PTPRU: variants seen among roughly 807,000 people sequenced by gnomAD.
PTPRU encodes the protein protein tyrosine phosphatase receptor type U, also known as receptor-type tyrosine-protein phosphatase U.
A neutral mutation model predicts 166.3 loss-of-function variants in PTPRU; 69 were observed. The ratio of observed to expected loss-of-function variants is 0.41; its 90% CI spans 0.34 to 0.51. The LOEUF is 0.51. Ranked by LOEUF, PTPRU falls within the 20% of genes least tolerant of loss-of-function variation. The probability of loss-of-function intolerance (pLI) is 0.09; values close to 1 mark genes in which losing one functional copy is unlikely to be tolerated. For synonymous variants in PTPRU, 793 were observed against 814.0 expected (o/e 0.97, Z 0.44); for missense variants, 1,657 against 2,013.7 (o/e 0.82, Z 3.39).
At chr1:29,310,939 G>A (rs905333706) in intron 19 of PTPRU, among the ~76,000 whole-genome samples, 159 bp downstream of exon 19, 1 of 152,092 alleles carries the variant, frequency 6.6e-6, no homozygotes, top group Non-Finnish European at 1.5e-5. Flanking sequence ...ATCTGCTCCC[G>A]ATTCTGCTGG....
intron 1 of PTPRU, among the ~76,000 whole-genome samples, chr1:29,249,475 C>T (rs1684451092): frequency 1.3e-5 from 2 of 152,248 alleles, no homozygotes; most frequent in African/African-American, 2.4e-5. Flanking sequence ...AATTCACCCT[C>T]TCAGGGAGGC....
chr1:29,246,530 C>T (rs974936524), intron 1 of PTPRU, among the ~76,000 whole-genome samples: 6 of 152,332 alleles, frequency 3.9e-5, no homozygotes, highest in South Asian at 2.1e-4. Context: ...TACCCTGCAA[C>T]GAACCTGTTC....
Position 29,260,721 on chromosome 1 carries a change from A to G in PTPRU, c.962A>G (p.Glu321Gly), listed in dbSNP as rs1223313718. 1 of 1,604,442 alleles carries G rather than the reference A, an allele frequency of 6.2e-7. No individual in the cohort carries two copies. Among genetic ancestry groups the G allele is most frequent in the Non-Finnish European group, 8.5e-7 (1 of 1,175,264 alleles). ...GGCGACGGGCCGATCGTGCGCAAGG[A>G]GATTGAGTACCGCATGGCGCGCGGG... ...IIGDGPIVRK[E>G]IEYRMARGPW... is the part of the protein sequence containing the mutation. The change falls in exon 7 of 30, where the codon GAG becomes GGG. Residue 321 changes from glutamate (E) to glycine (G), a missense_variant. Physicochemically the swap from Glu to Gly is moderately conservative, Grantham distance 98 (BLOSUM62 -2). Around this residue, in one of 3 missense-constraint regions of PTPRU, gnomAD observed 453 missense variants for 496.9 expected, o/e 0.91. Transcript: ENST00000373779. This position sits in a 1 kb window ranked among gnomAD's most constrained non-coding sequence, Gnocchi z 8.3.
intron 7 of PTPRU, among the ~76,000 whole-genome samples, chr1:29,273,257 C>T (rs1685649388): frequency 6.6e-6 from 1 of 152,072 alleles, no homozygotes; most frequent in African/African-American, 2.4e-5. Flanking sequence ...CTTCAGAAGC[C>T]TTGACTTTTC....
At chr1:29,241,907 A>G (rs1574592654) in intron 1 of PTPRU, among the ~76,000 whole-genome samples, 1 of 110,600 alleles carries the variant, frequency 9.0e-6, no homozygotes, top group Non-Finnish European at 1.9e-5. Context: ...CTTCTTTTTT[A>G]TTCAGATGGA....
intron 16 of PTPRU, among the ~76,000 whole-genome samples, 192 bp downstream of exon 16, chr1:29,304,237 C>T (rs532187638): frequency 6.6e-6 from 1 of 152,336 alleles, no homozygotes; most frequent in South Asian, 2.1e-4. Flanking sequence ...TTTTCACTCT[C>T]ATGCTAACCC....
intron 1 of PTPRU, among the ~76,000 whole-genome samples, chr1:29,246,867 C>T (rs1281730272): frequency 2.6e-5 from 4 of 152,122 alleles, no homozygotes; most frequent in Non-Finnish European, 5.9e-5. Flanking sequence ...CCACCTGCCT[C>T]GGCCTCTCAA....
intron 16 of PTPRU, among the ~76,000 whole-genome samples, chr1:29,304,535 C>T (rs1687292605): frequency 6.6e-6 from 1 of 152,166 alleles, no homozygotes; most frequent in East Asian, 1.9e-4. Flanking sequence ...TCTTTGAACC[C>T]TGGCCCTCTT....
At chr1:29,323,178 G>A in intron 26 of PTPRU, 193 bp from the exon 27 acceptor site, 1 of 667,846 alleles carries the variant, frequency 1.5e-6, no homozygotes, top group Non-Finnish European at 2.5e-6. Flanking sequence ...ACGCATTGGG[G>A]CAGGTGGGCC....
At chr1:29,286,241 T>C (rs1053250298) in intron 14 of PTPRU, among the ~76,000 whole-genome samples, 1 of 152,190 alleles carries the variant, frequency 6.6e-6, no homozygotes, top group African/African-American at 2.4e-5. Flanking sequence ...TGCACAGCTT[T>C]AAGAGAGACT....
rs150970778 is a variant in PTPRU at position 29,263,659 on chromosome 1, T to A, written c.1144+2756T>A. Among the ~76,000 whole-genome samples the A allele has an allele frequency of 2.0e-3, 311 of 152,326 alleles. 1 individual carries two copies. The highest frequency in any genetic ancestry group is 7.3e-3 in the African/African-American group (302 of 41,580). ...TCTGCATCCTTGTCACCACTTGTTATTATCTGTCTTCTTATAAGCACTCTA... is the reference window on the plus strand; with the variant it reads ...TCTGCATCCTTGTCACCACTTGTTAATATCTGTCTTCTTATAAGCACTCTA... On this transcript the variant is annotated intron_variant, in intron 7 of 29. Transcript: ENST00000373779.
At position 29,315,714 on chromosome 1, in the gene PTPRU, C is replaced by A. The variant is rs866782904; in HGVS notation, c.3363+207C>A. On this transcript the variant is annotated intron_variant, in intron 23 of 29. Transcript: ENST00000373779. This position sits in a 1 kb window ranked among gnomAD's most constrained non-coding sequence, Gnocchi z 4.5. ...TGTTGGGTGGGGTCAGACAACCGGT[C>A]CTGTAGCTGACATACCTGGGATTGC... 7.2e-5 allele frequency among the ~76,000 whole-genome samples: 11 copies of A among 152,330 alleles called. No homozygotes were observed. Among genetic ancestry groups the A allele is most frequent in the African/African-American group, 2.6e-4 (11 of 41,562 alleles).
rs1311828045 is a variant in PTPRU, at chr1:29,320,419, A to T, written c.3688-266A>T. 2.7e-6 allele frequency: 1 copy of T among 364,422 alleles called. No homozygotes were observed. Among genetic ancestry groups the T allele is most frequent in the East Asian group, 4.1e-5 (1 of 24,356 alleles). The allele number at this position is 364,422 out of a possible 1,614,324, so 22.6% of individuals were successfully genotyped here. A position where few individuals can be genotyped will look rare whatever the true frequency, so the allele number is the denominator to read the frequency against. On this transcript the variant is annotated intron_variant, in intron 25 of 29. Coordinates refer to ENST00000373779, the MANE Select transcript of PTPRU (RefSeq NM_133178.4). This position sits in a 1 kb window ranked among gnomAD's most constrained non-coding sequence, Gnocchi z 5.2. Reference sequence around the variant, plus strand: ...TGCCTTGAGCTCAGCCTCATGCCCAAGCTCCCCTCGCCATACCTTTGGAAA... The same window carrying T: ...TGCCTTGAGCTCAGCCTCATGCCCATGCTCCCCTCGCCATACCTTTGGAAA...
At chr1:29,244,694 A>G (rs1457417489) in intron 1 of PTPRU, among the ~76,000 whole-genome samples, 1 of 152,102 alleles carries the variant, frequency 6.6e-6, no homozygotes, top group African/African-American at 2.4e-5. Context: ...ATACTTTGGT[A>G]AGTTACTGAC....
intron 18 of PTPRU, among the ~76,000 whole-genome samples, chr1:29,306,044 G>A (rs552249001): frequency 3.8e-4 from 58 of 152,312 alleles, no homozygotes; most frequent in Non-Finnish European, 5.3e-4. Context: ...GACGTGGAGC[G>A]ACTTGTCCCA....
At chr1:29,240,170 G>A (rs1216823273) in intron 1 of PTPRU, among the ~76,000 whole-genome samples, 2 of 152,178 alleles carry the variant, frequency 1.3e-5, no homozygotes, top group East Asian at 3.8e-4. Context: ...GCTCTCAGCT[G>A]TAAGCATCAT....
chr1:29,246,929 T>C (rs1417716673), intron 1 of PTPRU, among the ~76,000 whole-genome samples: 1 of 152,178 alleles, frequency 6.6e-6, no homozygotes, highest in Non-Finnish European at 1.5e-5. Flanking sequence ...CACAGCATCT[T>C]AATTGTACTC....
chr1:29,298,615 A>G (rs1687000848), intron 15 of PTPRU, among the ~76,000 whole-genome samples: 1 of 152,150 alleles, frequency 6.6e-6, no homozygotes, highest in Non-Finnish European at 1.5e-5. Context: ...TGGGCCTTGT[A>G]CGTCTGGAGC....
chr1:29,266,322 T>C (rs1254332329), intron 7 of PTPRU, among the ~76,000 whole-genome samples: 2 of 152,166 alleles, frequency 1.3e-5, no homozygotes, highest in African/African-American at 4.8e-5. Context: ...CTAAAAGTGT[T>C]ATAGTTTTAC....
Sources: allele counts gnomAD v4.1 joint callset (sites outside exome capture counted in the v4.1 genomes callset), GRCh38; gene constraint gnomAD v4.1.1; regional missense constraint gnomAD v4.1.1; non-coding constraint Gnocchi (gnomAD v3.1); transcripts MANE v1.5; gene names NCBI Gene and HGNC (gene_info 2026-07-23, HGNC 2026-07-21).